HS3ST3B1: variants seen among roughly 807,000 people sequenced by gnomAD.
The protein encoded by HS3ST3B1 is heparan sulfate glucosamine 3-O-sulfotransferase 3B1.
A neutral mutation model predicts 21.3 loss-of-function variants in HS3ST3B1; 13 were observed. That is an observed-to-expected ratio of 0.61 (90% CI 0.40 to 0.97). HS3ST3B1 has a LOEUF of 0.97. Among genes scored for constraint, HS3ST3B1 ranks in the 50% least tolerant of loss-of-function variants. The pLI, the probability that HS3ST3B1 is intolerant of heterozygous loss-of-function variation, is 0.00. For synonymous variants in HS3ST3B1, 234 were observed against 254.8 expected (o/e 0.92, Z 0.78); for missense variants, 459 against 554.8 (o/e 0.83, Z 1.73).
At chr17:14,339,305 A>G (rs1359368169) in intron 1 of HS3ST3B1, among the ~76,000 whole-genome samples, 1 of 152,148 alleles carries the variant, frequency 6.6e-6, no homozygotes, top group Non-Finnish European at 1.5e-5. Context: ...TCGAAATTGG[A>G]CGCCTATTTG....
At position 14,301,234 on chromosome 17, in the gene HS3ST3B1, T is replaced by C; in HGVS notation, c.-285T>C. 2.2e-6 allele frequency: 1 copy of C among 456,258 alleles called. No individual in the cohort carries two copies. Among genetic ancestry groups the C allele is most frequent in the South Asian group, 3.9e-5 (1 of 25,386 alleles). The allele number at this position is 456,258 out of a possible 1,614,324, so 28.3% of individuals were successfully genotyped here. ...CAACGTCCTCCTGGCCCCGAGCGCG[T>C]CGTCGCGCCCCGGGAGCAGACCCTC... is the stretch of plus-strand genomic sequence containing the variant. On this transcript the variant is annotated 5_prime_UTR_variant, in exon 1 of 2. Coordinates refer to ENST00000360954, the MANE Select transcript of HS3ST3B1 (RefSeq NM_006041.3).
chr17:14,320,466 A>T (rs1460110568), intron 1 of HS3ST3B1, among the ~76,000 whole-genome samples: 2 of 152,164 alleles, frequency 1.3e-5, no homozygotes, highest in Non-Finnish European at 2.9e-5. Context: ...TGACCGCATG[A>T]GGGGAGTCGA....
At chr17:14,308,156 A>C (rs373399233) in intron 1 of HS3ST3B1, among the ~76,000 whole-genome samples, 52 of 152,318 alleles carry the variant, frequency 3.4e-4, no homozygotes, top group African/African-American at 1.2e-3. Context: ...ACATCAAATA[A>C]AACTGATGTT....
At chr17:14,304,922 G>GT (rs1302720042) in intron 1 of HS3ST3B1, 1 of 152,214 alleles carries the variant, frequency 6.6e-6, no homozygotes, top group African/African-American at 2.4e-5. Flanking sequence ...TCGTTAATGG[G>GT]TTTAATCGGT....
In HS3ST3B1 at chr17:14,345,655, G is replaced by A. The variant is rs764914123; in HGVS notation, c.*9G>A. 5.6e-6 allele frequency: 9 copies of A among 1,612,584 alleles called. No homozygotes were observed. In the African/African-American group the frequency reaches 9.3e-5, roughly 17 times the overall value. Reference sequence around the variant, plus strand: ...ACTTTGGCTGGGATTGAGCAGACCCGGGCTATGTACCTTACCCACGTGGCT... The same window carrying A: ...ACTTTGGCTGGGATTGAGCAGACCCAGGCTATGTACCTTACCCACGTGGCT... On this transcript the variant is annotated 3_prime_UTR_variant, in exon 2 of 2. Transcript: ENST00000360954.
intron 1 of HS3ST3B1, among the ~76,000 whole-genome samples, chr17:14,344,092 G>A (rs989527472): frequency 6.6e-6 from 1 of 151,998 alleles, no homozygotes; most frequent in Non-Finnish European, 1.5e-5. Context: ...TAGAGACGGG[G>A]TTTTGCCATT....
chr17:14,330,143 T>G (rs1417242069), intron 1 of HS3ST3B1, among the ~76,000 whole-genome samples: 1 of 152,218 alleles, frequency 6.6e-6, no homozygotes, highest in African/African-American at 2.4e-5. Context: ...AAGGTACATT[T>G]GACATTGAGC....
At chr17:14,304,350 G>T (rs1909057720) in intron 1 of HS3ST3B1, 1 of 152,244 alleles carries the variant, frequency 6.6e-6, no homozygotes, top group Non-Finnish European at 1.5e-5. Context: ...CAAACACTGC[G>T]TTCCTGGACT....
chr17:14,315,821 CAA>C (rs765113554), intron 1 of HS3ST3B1, among the ~76,000 whole-genome samples: 5 of 113,516 alleles, frequency 4.4e-5, no homozygotes, highest in African/African-American at 1.2e-4. Flanking sequence ...GACTCCATCT[CAA>C]AAAAAAAAAA....
intron 1 of HS3ST3B1, among the ~76,000 whole-genome samples, chr17:14,308,701 A>G (rs866381352): frequency 3.1e-4 from 47 of 152,146 alleles, no homozygotes; most frequent in African/African-American, 1.1e-3. Flanking sequence ...AAAAAATAAG[A>G]CTCTGGTTTA....
chr17:14,344,676 C>T (rs1395122755), intron 1 of HS3ST3B1, among the ~76,000 whole-genome samples: 1 of 152,122 alleles, frequency 6.6e-6, no homozygotes, highest in East Asian at 1.9e-4. Context: ...AGGAAAGGCA[C>T]TTATCAGAGG....
chr17:14,316,510 T>G (rs1909505334), intron 1 of HS3ST3B1, among the ~76,000 whole-genome samples: 1 of 152,170 alleles, frequency 6.6e-6, no homozygotes. Context: ...AGCAAGATGT[T>G]TGATGGTGTT....
At chr17:14,342,264 A>G (rs1597603963) in intron 1 of HS3ST3B1, among the ~76,000 whole-genome samples, 1 of 151,992 alleles carries the variant, frequency 6.6e-6, no homozygotes, top group African/African-American at 2.4e-5. Flanking sequence ...TTTCCTTTTA[A>G]TTCCTGTGCC....
chr17:14,344,335 A>G (rs780364160), intron 1 of HS3ST3B1, among the ~76,000 whole-genome samples: 2 of 152,192 alleles, frequency 1.3e-5, no homozygotes, highest in Non-Finnish European at 2.9e-5. Context: ...CGTTGATCCC[A>G]TCACCCAGGT....
chr17:14,326,571 T>C (rs1909822847), intron 1 of HS3ST3B1, among the ~76,000 whole-genome samples: 2 of 152,182 alleles, frequency 1.3e-5, no homozygotes, highest in Non-Finnish European at 2.9e-5. Context: ...GTAGGCTTTG[T>C]TCATGTTCCT....
At chr17:14,313,152 T>C (rs1229154610) in intron 1 of HS3ST3B1, among the ~76,000 whole-genome samples, 1 of 100,844 alleles carries the variant, frequency 9.9e-6, no homozygotes, top group Non-Finnish European at 2.1e-5. Flanking sequence ...ATATTTTTAG[T>C]AGAGACAGGG....
In HS3ST3B1 at chr17:14,301,236, G is replaced by T. The variant is rs1015341040; in HGVS notation, c.-283G>T. 5.2e-4 allele frequency: 239 copies of T among 461,196 alleles called. 1 individual carries two copies. The highest frequency in any genetic ancestry group is 1.9e-3 in the South Asian group (49 of 25,464). The allele number at this position is 461,196 out of a possible 1,614,324, so 28.6% of individuals were successfully genotyped here. A position where few individuals can be genotyped will look rare whatever the true frequency, so the allele number is the denominator to read the frequency against. On this transcript the variant is annotated 5_prime_UTR_variant, in exon 1 of 2. Transcript: ENST00000360954. ...ACGTCCTCCTGGCCCCGAGCGCGTC[G>T]TCGCGCCCCGGGAGCAGACCCTCGC...
intron 1 of HS3ST3B1, among the ~76,000 whole-genome samples, chr17:14,335,634 C>T (rs1268681706): frequency 6.6e-6 from 1 of 151,442 alleles, no homozygotes; most frequent in Non-Finnish European, 1.5e-5. Flanking sequence ...GCGGAGGTTG[C>T]AGAGAGCCGA....
At chr17:14,332,475 C>T (rs1005631721) in intron 1 of HS3ST3B1, among the ~76,000 whole-genome samples, 3 of 151,962 alleles carry the variant, frequency 2.0e-5, no homozygotes, top group Non-Finnish European at 4.4e-5. Flanking sequence ...GCATCCTCTA[C>T]CCTCCCCCAT....
Sources: allele counts gnomAD v4.1 joint callset (sites outside exome capture counted in the v4.1 genomes callset), GRCh38; gene constraint gnomAD v4.1.1; transcripts MANE v1.5; gene names NCBI Gene and HGNC (gene_info 2026-07-23, HGNC 2026-07-21).